The following GALNTL6 variants were observed in gnomAD, a reference collection of about 807,000 sequenced individuals.
GALNTL6 encodes polypeptide N-acetylgalactosaminyltransferase-like 6.
A neutral mutation model predicts 73.7 loss-of-function variants in GALNTL6; 46 were observed. The observed-to-expected ratio is 0.62, with a 90% CI of 0.49 to 0.80. The LOEUF (loss-of-function observed/expected upper bound fraction) is 0.80, where lower values mean the gene tolerates loss of function less well. Ranked by LOEUF, GALNTL6 falls within the 30% of genes least tolerant of loss-of-function variation. The pLI, the probability that GALNTL6 is intolerant of heterozygous loss-of-function variation, is 0.00. For synonymous variants in GALNTL6, 259 were observed against 263.7 expected, an observed-to-expected ratio of 0.98 and a Z score of 0.17; for missense variants, 604 against 755.0, an observed-to-expected ratio of 0.80 and a Z score of 2.34.
intron 3 of GALNTL6, among the ~76,000 whole-genome samples, chr4:172,259,754 G>A (rs1299678876): frequency 1.3e-5 from 2 of 151,556 alleles, no homozygotes; most frequent in African/African-American, 4.8e-5. Flanking sequence ...TTAGATTTAA[G>A]TCTTTGATCC....
chr4:171,856,089 T>TTTGTTGTTGTTGTTGTAG (rs1735683344), intron 2 of GALNTL6, among the ~76,000 whole-genome samples: 1 of 151,952 alleles, frequency 6.6e-6, no homozygotes, highest in South Asian at 2.1e-4. Flanking sequence ...ACAGAACAGA[T>TTTGTTGTTGTTGTTGTAG]TTGTTGTTGT....
intron 5 of GALNTL6, among the ~76,000 whole-genome samples, chr4:172,683,542 C>T (rs9994123): frequency 1 from 152,083 of 152,358 alleles, 75,906 homozygotes; most frequent in Middle Eastern, 1. Context: ...TTTATTTTTG[C>T]CAGAAATCCA....
intron 2 of GALNTL6, among the ~76,000 whole-genome samples, chr4:171,875,962 G>A (rs544957212): frequency 6.6e-6 from 1 of 151,814 alleles, no homozygotes; most frequent in South Asian, 2.1e-4. Flanking sequence ...TGAATATTGA[G>A]GCAAGTCAAG....
At chr4:172,055,885 G>T (rs1444969478) in intron 2 of GALNTL6, among the ~76,000 whole-genome samples, 1 of 152,076 alleles carries the variant, frequency 6.6e-6, no homozygotes, top group Non-Finnish European at 1.5e-5. Context: ...TATTAAGCTT[G>T]GGGGAAAATG....
At chr4:172,050,949 C>T (rs943185916) in intron 2 of GALNTL6, among the ~76,000 whole-genome samples, 1 of 152,156 alleles carries the variant, frequency 6.6e-6, no homozygotes, top group Non-Finnish European at 1.5e-5. Flanking sequence ...ATCAGGGTCA[C>T]TAATGTGTAT....
At chr4:172,390,587 T>C (rs750676139) in intron 5 of GALNTL6, among the ~76,000 whole-genome samples, 16 of 152,192 alleles carry the variant, frequency 1.1e-4, no homozygotes, top group Admixed American at 6.5e-4. Context: ...CACTTAGTAG[T>C]CATCTCAGTT....
chr4:172,008,284 T>C (rs1740897195), intron 2 of GALNTL6, among the ~76,000 whole-genome samples: 1 of 152,136 alleles, frequency 6.6e-6, no homozygotes, highest in African/African-American at 2.4e-5. Context: ...ACAAGCATCT[T>C]GCTTTTAAAG....
At chr4:172,814,820 A>G (rs963225074) in intron 7 of GALNTL6, among the ~76,000 whole-genome samples, 2 of 152,188 alleles carry the variant, frequency 1.3e-5, no homozygotes, top group Non-Finnish European at 2.9e-5. Flanking sequence ...AGGGAATTTC[A>G]GAAGACGTTA....
intron 2 of GALNTL6, among the ~76,000 whole-genome samples, chr4:172,164,031 G>T (rs1236873094): frequency 6.6e-6 from 1 of 151,804 alleles, no homozygotes; most frequent in Non-Finnish European, 1.5e-5. Flanking sequence ...GGAACTTCAG[G>T]GAATGGAAGT....
At chr4:172,362,876 CT>C (rs1172485907) in intron 5 of GALNTL6, among the ~76,000 whole-genome samples, 1 of 152,146 alleles carries the variant, frequency 6.6e-6, no homozygotes, top group Admixed American at 6.5e-5. Flanking sequence ...CTCCAAAGTA[CT>C]TTGTAGTCAT....
At chr4:172,618,568 A>G (rs758176530) in intron 5 of GALNTL6, among the ~76,000 whole-genome samples, 4 of 152,212 alleles carry the variant, frequency 2.6e-5, no homozygotes, top group Non-Finnish European at 5.9e-5. Flanking sequence ...GACCTTCCCA[A>G]ACACCTGGAC....
intron 3 of GALNTL6, among the ~76,000 whole-genome samples, chr4:172,285,014 A>AT (rs1739196844): frequency 6.6e-6 from 1 of 152,166 alleles, no homozygotes; most frequent in South Asian, 2.1e-4. Context: ...ATTGCAGTAG[A>AT]TCTGAAATTG....
chr4:172,519,952 C>T (rs1172327298), intron 5 of GALNTL6, among the ~76,000 whole-genome samples: 1 of 151,734 alleles, frequency 6.6e-6, no homozygotes, highest in Non-Finnish European at 1.5e-5. Context: ...TTGGGCCAAA[C>T]TTTTCAGTAA....
chr4:172,022,571 C>T (rs139503418), intron 2 of GALNTL6, among the ~76,000 whole-genome samples: 1 of 152,078 alleles, frequency 6.6e-6, no homozygotes, highest in African/African-American at 2.4e-5. Flanking sequence ...ATCTCTGGTG[C>T]CTGGTATGCC....
intron 2 of GALNTL6, among the ~76,000 whole-genome samples, chr4:171,826,259 A>G (rs1734822096): frequency 1.3e-5 from 2 of 152,060 alleles, no homozygotes; most frequent in Admixed American, 6.6e-5. Context: ...TCATTTGGGG[A>G]GAACCACGAC....
chr4:173,008,092 A>G (rs1752379517), intron 10 of GALNTL6, among the ~76,000 whole-genome samples: 1 of 152,238 alleles, frequency 6.6e-6, no homozygotes, highest in Non-Finnish European at 1.5e-5. Flanking sequence ...TTTATCATCC[A>G]AAAGCAATGC....
At chr4:171,982,500 GTC>G (rs1218269201) in intron 2 of GALNTL6, among the ~76,000 whole-genome samples, 2 of 151,934 alleles carry the variant, frequency 1.3e-5, no homozygotes, top group Non-Finnish European at 2.9e-5. Flanking sequence ...GGGTTTCACT[GTC>G]TTAGCCAGGA....
intron 2 of GALNTL6, among the ~76,000 whole-genome samples, chr4:171,857,719 T>C (rs760520169): frequency 2.6e-5 from 4 of 152,188 alleles, no homozygotes; most frequent in East Asian, 3.8e-4. Flanking sequence ...CTTTTGCAAG[T>C]TGATGATAAG....
intron 7 of GALNTL6, among the ~76,000 whole-genome samples, chr4:172,834,014 GGCTGAGACGGGAGAAAT>G (rs1309677751): frequency 2.6e-5 from 4 of 152,206 alleles, no homozygotes; most frequent in Non-Finnish European, 5.9e-5. Flanking sequence ...TTACTCAGGA[GGCTGAGACGGGAGAAAT>G]GCTTGAACCC....
Sources: gnomAD v4.1 joint callset for allele counts (sites outside exome capture counted in the v4.1 genomes callset) on GRCh38, gnomAD v4.1.1 for gene constraint, MANE v1.5 for transcripts, NCBI Gene and HGNC (gene_info 2026-07-23, HGNC 2026-07-21) for gene names.